Variants in TRANK1 observed in about 807,000 individuals in gnomAD.
The protein encoded by TRANK1 is TPR and ankyrin repeat-containing protein 1.
A neutral mutation model predicts 266.0 loss-of-function variants in TRANK1; 198 were observed. The observed-to-expected ratio is 0.74, with a 90% CI of 0.66 to 0.84. TRANK1 has a LOEUF of 0.84. Ranked by LOEUF, TRANK1 falls within the 40% of genes least tolerant of loss-of-function variation. The pLI is 0.00. For synonymous variants in TRANK1, 1,396 were observed against 1,384.1 expected, an observed-to-expected ratio of 1.01 and a Z score of -0.19; for missense variants, 3,326 against 3,634.6, an observed-to-expected ratio of 0.92 and a Z score of 2.18.
intron 9 of TRANK1, among the ~76,000 whole-genome samples, chr3:36,866,008 G>C (rs113108236): frequency 6.7e-6 from 1 of 149,684 alleles, no homozygotes; most frequent in Non-Finnish European, 1.5e-5. Context: ...GAGAAAGAGA[G>C]AGAGACAGAC....
chr3:36,879,972 ATG>A (rs1559449539), intron 8 of TRANK1, among the ~76,000 whole-genome samples: 387 of 12,166 alleles, frequency 0.032, 147 homozygotes, highest in African/African-American at 0.15. Flanking sequence ...ATGCAAATAT[ATG>A]TAAACATGCA....
chr3:36,847,182 C>T lies in TRANK1; in HGVS notation c.5034+18G>A. The T allele has an allele frequency of 6.2e-7, 1 of 1,608,290 alleles. No homozygotes were observed. The highest frequency in any genetic ancestry group is 8.5e-7 in the Non-Finnish European group (1 of 1,176,348). Reference sequence around the variant, plus strand: ...CTTCCATGTCAAGTACATGTGTTGACAAATGGCAGAAATTCACCTTGTACA... The same window carrying T: ...CTTCCATGTCAAGTACATGTGTTGATAAATGGCAGAAATTCACCTTGTACA... On this transcript the variant is annotated intron_variant, in intron 16 of 23. Transcript: ENST00000645898.
intron 1 of TRANK1, among the ~76,000 whole-genome samples, chr3:36,935,988 T>A (rs1251199193): frequency 6.6e-6 from 1 of 151,766 alleles, no homozygotes; most frequent in East Asian, 1.9e-4. Context: ...GGTGGTTTTG[T>A]TACTTGGGGA....
chr3:36,876,967 G>C (rs575312760), intron 8 of TRANK1, among the ~76,000 whole-genome samples: 14 of 152,252 alleles, frequency 9.2e-5, no homozygotes, highest in African/African-American at 3.1e-4. Context: ...CTATGTACCA[G>C]AGCCAATGAG....
In TRANK1 at chr3:36,857,168, T is replaced by C; in HGVS notation, c.2554A>G (p.Thr852Ala). The C allele has an allele frequency of 6.2e-7, 1 of 1,613,982 alleles. No homozygotes were observed. The highest frequency in any genetic ancestry group is 8.5e-7 in the Non-Finnish European group (1 of 1,179,906). Reference sequence around the variant, plus strand: ...ATGATTTTCTTCTTGATGACCTTGGTCATTACCTTACTAGACAGCTTCTTC... The same window carrying C: ...ATGATTTTCTTCTTGATGACCTTGGCCATTACCTTACTAGACAGCTTCTTC... ...MLKKLSSKVM[T>A]KVIKKKIILA... Residue 852 changes from threonine to alanine, a missense_variant, in exon 13 of 24, where the codon ACC (threonine) becomes GCC (alanine). Transcript: ENST00000645898. The surrounding 1 kb of genome is among the most constrained non-coding windows in gnomAD (Gnocchi z 4.3).
intron 5 of TRANK1, among the ~76,000 whole-genome samples, chr3:36,895,432 C>G (rs2079774546): frequency 6.6e-6 from 1 of 152,232 alleles, no homozygotes; most frequent in Admixed American, 6.5e-5. Flanking sequence ...AGACACAGAT[C>G]TAAGCGTTTT....
chr3:36,863,755 A>G (rs529748375), intron 10 of TRANK1, among the ~76,000 whole-genome samples: 14 of 152,310 alleles, frequency 9.2e-5, no homozygotes, highest in African/African-American at 3.4e-4. Context: ...CAAGCCTTAA[A>G]TACTATCATC....
intron 17 of TRANK1, among the ~76,000 whole-genome samples, 194 bp downstream of exon 17, chr3:36,846,054 T>C (rs2078909838): frequency 1.3e-5 from 2 of 152,214 alleles, no homozygotes; most frequent in Admixed American, 6.5e-5. Flanking sequence ...CTGAAGGAGT[T>C]AACCTTCCCA....
intron 8 of TRANK1, among the ~76,000 whole-genome samples, chr3:36,884,210 C>T (rs187598677): frequency 2.0e-4 from 30 of 152,280 alleles, no homozygotes; most frequent in African/African-American, 6.5e-4. Context: ...GATGTAGTAT[C>T]ATCGGTTAGT....
At chr3:36,845,229 C>T (rs1038077008) in intron 17 of TRANK1, among the ~76,000 whole-genome samples, 5 of 152,170 alleles carry the variant, frequency 3.3e-5, no homozygotes, top group African/African-American at 1.2e-4. Flanking sequence ...TGCTATCTCT[C>T]CAAACTCTTG....
Position 36,838,625 on chromosome 3 carries a change from T to C in TRANK1, c.5372A>G (p.Lys1791Arg), listed in dbSNP as rs754014660. The C allele has an allele frequency of 6.2e-7, 1 of 1,613,938 alleles. No homozygotes were observed. Among genetic ancestry groups the C allele is most frequent in the South Asian group, 1.1e-5 (1 of 91,058 alleles). The change falls in exon 19 of 24, where the codon AAA (lysine) becomes AGA (arginine). Residue 1791 changes from lysine to arginine, a missense_variant. Physicochemically the swap from Lys to Arg is conservative, Grantham distance 26. Coordinates refer to ENST00000645898, the MANE Select transcript of TRANK1 (RefSeq NM_001329998.2). ...HDTALSMKSK[K>R]VSPKEKQLEY... ...CCAAGACTCTTACTTGGGGCTGACT[T>C]TCTTGGATTTCATGCTCAGGGCAGT...
intron 15 of TRANK1, among the ~76,000 whole-genome samples, chr3:36,849,110 A>G (rs1160225257): frequency 6.6e-6 from 1 of 152,172 alleles, no homozygotes; most frequent in Non-Finnish European, 1.5e-5. Flanking sequence ...GGTACTATCA[A>G]TTGTGAAGGA....
chr3:36,888,019 A>C (rs1356297037), intron 8 of TRANK1, among the ~76,000 whole-genome samples: 4 of 152,190 alleles, frequency 2.6e-5, no homozygotes, highest in Non-Finnish European at 5.9e-5. Flanking sequence ...AGCTGGGAAA[A>C]ATGAAAACAA....
intron 2 of TRANK1, among the ~76,000 whole-genome samples, chr3:36,905,411 T>C (rs2079951105): frequency 1.3e-5 from 2 of 151,946 alleles, no homozygotes; most frequent in African/African-American, 4.8e-5. Flanking sequence ...GTCCTCACAA[T>C]GGAATAAGAA....
chr3:36,923,540 G>A (rs1027803937), intron 1 of TRANK1, among the ~76,000 whole-genome samples: 3 of 152,168 alleles, frequency 2.0e-5, no homozygotes, highest in Non-Finnish European at 4.4e-5. Context: ...ACAGGTGTGA[G>A]CCACCGCGCC....
intron 5 of TRANK1, 110 bp downstream of exon 5, chr3:36,895,530 C>T (rs1199478294): frequency 6.4e-6 from 4 of 623,458 alleles, no homozygotes; most frequent in Admixed American, 7.5e-5. Context: ...AAAAATTTAC[C>T]CTGGCATCAA....
rs996448235 is a variant in TRANK1 at position 36,855,429 on chromosome 3, G to A, written c.4293C>T (p.Ile1431=). The A allele has an allele frequency of 1.1e-5, 17 of 1,613,980 alleles. No homozygotes were observed. Among genetic ancestry groups the A allele is most frequent in the Non-Finnish European group, 1.4e-5 (17 of 1,179,874 alleles). The change falls in exon 13 of 24, where the codon ATC becomes ATT. Residue 1431 remains isoleucine, a synonymous_variant. Coordinates refer to ENST00000645898, the MANE Select transcript of TRANK1 (RefSeq NM_001329998.2). ...LSKLRVLPWS[I]HELYGDEIQD... The stretch of plus-strand genomic sequence containing the variant: ...GAATCTCATCACCATAGAGCTCGTG[G>A]ATGGACCATGGGAGCACCCTGAGCT...
chr3:36,864,297 T>C (rs1197629466), intron 10 of TRANK1, 22 bp downstream of exon 10: 2 of 1,490,380 alleles, frequency 1.3e-6, no homozygotes, highest in African/African-American at 1.4e-5. Flanking sequence ...TTAACATCAT[T>C]GAACGTTGTG....
chr3:36,918,565 AGGAAGGAAGGAAG>A (rs2080166449), intron 1 of TRANK1, among the ~76,000 whole-genome samples: 1 of 26,028 alleles, frequency 3.8e-5, no homozygotes, highest in Non-Finnish European at 9.1e-5. Context: ...GAAGGAAGGT[AGGAAGGAAGGAAG>A]GAAGGAAGGA....
Sources: allele counts gnomAD v4.1 joint callset (sites outside exome capture counted in the v4.1 genomes callset), GRCh38; gene constraint gnomAD v4.1.1; non-coding constraint Gnocchi (gnomAD v3.1); transcripts MANE v1.5; gene names NCBI Gene and HGNC (gene_info 2026-07-23, HGNC 2026-07-21).